The following DGKI variants were observed in gnomAD, a reference collection of about 807,000 sequenced individuals.
DGKI encodes the protein DAG kinase iota.
A neutral mutation model predicts 147.5 loss-of-function variants in DGKI; 55 were observed. That is an observed-to-expected ratio of 0.37 (90% confidence interval 0.30 to 0.47). DGKI has a LOEUF of 0.47. Ranked by LOEUF, DGKI falls within the 20% of genes least tolerant of loss-of-function variation. The pLI, the probability that DGKI is intolerant of heterozygous loss-of-function variation, is 1.00. For missense variants in DGKI, 1,007 were observed against 1,323.8 expected (o/e 0.76, Z 3.71); for synonymous variants, 469 against 477.1 (o/e 0.98, Z 0.22).
intron 1 of DGKI, among the ~76,000 whole-genome samples, chr7:137,692,206 C>A (rs1223941527): frequency 1.3e-5 from 2 of 152,156 alleles, no homozygotes; most frequent in Non-Finnish European, 2.9e-5. Context: ...TTAGGATTTT[C>A]TCTGGCTTTG....
intron 14 of DGKI, 58 bp downstream of exon 14, chr7:137,585,151 C>T: frequency 1.9e-6 from 3 of 1,589,138 alleles, no homozygotes; most frequent in Non-Finnish European, 1.7e-6. Context: ...GATTTTTTTT[C>T]CTGTAGCTCA....
intron 1 of DGKI, chr7:137,774,938 A>G (rs1796320060): frequency 6.6e-6 from 1 of 152,202 alleles, no homozygotes; most frequent in African/African-American, 2.4e-5. Context: ...TTCTGAAAAG[A>G]CATGAAAATT....
chr7:137,661,754 T>C (rs926521502), intron 3 of DGKI, among the ~76,000 whole-genome samples: 4 of 152,152 alleles, frequency 2.6e-5, no homozygotes, highest in Admixed American at 6.5e-5. Flanking sequence ...CAGCAGCATC[T>C]TGGAGATGGG....
rs1170356266 is a variant in DGKI, at chr7:137,662,240, CTT to C, written c.607-5702_607-5701del. Among the ~76,000 whole-genome samples, 123 of 126,422 alleles carry C rather than the reference CTT, an allele frequency of 9.7e-4. 1 individual carries two copies. Among genetic ancestry groups the C allele is most frequent in the African/African-American group, 3.4e-3 (112 of 32,606 alleles). The allele number at this position is 126,422 out of a possible 152,430, so 82.9% of individuals were successfully genotyped here. On this transcript the variant is annotated intron_variant, in intron 3 of 32. Coordinates refer to ENST00000614521, the MANE Select transcript of DGKI (RefSeq NM_001321708.2). ...GGCCGGCTGAAGTTCCAGCACACTC[CTT>C]TTTTTTTTTTTTTTTTTCGAGACAG...
At chr7:137,618,086 G>A (rs1183453555) in intron 8 of DGKI, among the ~76,000 whole-genome samples, 1 of 105,856 alleles carries the variant, frequency 9.4e-6, no homozygotes, top group Admixed American at 1.3e-4. Flanking sequence ...ATACCACTAG[G>A]CTATTTTACA....
intron 27 of DGKI, among the ~76,000 whole-genome samples, chr7:137,446,760 G>A (rs1196412705): frequency 6.6e-6 from 1 of 152,024 alleles, no homozygotes; most frequent in Admixed American, 6.6e-5. Context: ...AGAGGGAGGG[G>A]AAAGAAGTTA....
intron 1 of DGKI, among the ~76,000 whole-genome samples, chr7:137,736,845 T>C (rs545839712): frequency 6.6e-6 from 1 of 152,234 alleles, no homozygotes; most frequent in Non-Finnish European, 1.5e-5. Flanking sequence ...ATGATTAAAT[T>C]AATCAGAGGT....
intron 1 of DGKI, among the ~76,000 whole-genome samples, chr7:137,743,856 G>A (rs182187710): frequency 1.5e-4 from 23 of 151,992 alleles, no homozygotes; most frequent in African/African-American, 3.1e-4. Flanking sequence ...GGTGGCAGGC[G>A]CCTGTAGTCC....
intron 28 of DGKI, 49 bp downstream of exon 28, chr7:137,444,028 G>C: frequency 6.7e-7 from 1 of 1,491,980 alleles, no homozygotes; most frequent in Non-Finnish European, 9.1e-7. Context: ...AAAGACCAGG[G>C]GTCAAGTTTC....
intron 6 of DGKI, among the ~76,000 whole-genome samples, chr7:137,632,522 C>T: frequency 6.6e-6 from 1 of 152,158 alleles, no homozygotes; most frequent in East Asian, 1.9e-4. Context: ...CATGTATACC[C>T]TGGGTATGAA....
intron 3 of DGKI, among the ~76,000 whole-genome samples, chr7:137,663,586 C>T (rs1447097468): frequency 6.6e-6 from 1 of 152,062 alleles, no homozygotes; most frequent in East Asian, 1.9e-4. Context: ...TCACTGGGCT[C>T]AGGGCTGGTG....
At chr7:137,395,995 A>T in intron 31 of DGKI, 2 of 335,022 alleles carry the variant, frequency 6.0e-6, no homozygotes, top group Middle Eastern at 1.8e-3. Context: ...GCAGTATTAA[A>T]CAGACTAATT....
intron 21 of DGKI, among the ~76,000 whole-genome samples, chr7:137,510,726 C>T (rs1483763141): frequency 6.6e-6 from 1 of 152,180 alleles, no homozygotes; most frequent in Non-Finnish European, 1.5e-5. Context: ...ATGCTGGGGA[C>T]ACATTCAGTC....
At chr7:137,591,575 G>T (rs546452717) in intron 12 of DGKI, among the ~76,000 whole-genome samples, 10 of 152,278 alleles carry the variant, frequency 6.6e-5, no homozygotes, top group African/African-American at 2.2e-4. Flanking sequence ...GAGCTGAGCG[G>T]CAGGGAGCTC....
intron 20 of DGKI, among the ~76,000 whole-genome samples, chr7:137,545,216 A>G (rs923813832): frequency 5.9e-5 from 9 of 152,216 alleles, no homozygotes; most frequent in African/African-American, 1.2e-4. Flanking sequence ...TATGTAAAGT[A>G]TCTGTAACAG....
chr7:137,719,325 T>G (rs981980844), intron 1 of DGKI, among the ~76,000 whole-genome samples: 9 of 152,056 alleles, frequency 5.9e-5, no homozygotes, highest in Non-Finnish European at 1.3e-4. Flanking sequence ...TTTAGGAATA[T>G]CTTTTAAAAC....
chr7:137,541,969 T>C (rs834064), intron 20 of DGKI, among the ~76,000 whole-genome samples: 3,158 of 152,100 alleles, frequency 0.021, 106 homozygotes, highest in African/African-American at 0.072. Flanking sequence ...ACAGGATATA[T>C]ACTGGGAGAG....
chr7:137,496,453 A>G (rs1475503671), intron 21 of DGKI, among the ~76,000 whole-genome samples: 2 of 152,146 alleles, frequency 1.3e-5, no homozygotes, highest in African/African-American at 4.8e-5. Flanking sequence ...GAATTAGAAC[A>G]AACTATTTTA....
At chr7:137,836,829 T>C (rs1381123239) in intron 1 of DGKI, among the ~76,000 whole-genome samples, 1 of 152,206 alleles carries the variant, frequency 6.6e-6, no homozygotes, top group Non-Finnish European at 1.5e-5. Flanking sequence ...ATAAAAAGAA[T>C]GTTCATCCAC....
Sources: allele counts gnomAD v4.1 joint callset (sites outside exome capture counted in the v4.1 genomes callset), GRCh38; gene constraint gnomAD v4.1.1; transcripts MANE v1.5; gene names NCBI Gene and HGNC (gene_info 2026-07-23, HGNC 2026-07-21).